Variants in PTPRG observed in about 807,000 individuals in gnomAD.
The protein encoded by PTPRG is protein tyrosine phosphatase receptor type G, also known as receptor-type tyrosine-protein phosphatase gamma.
Under a neutral mutation model 165.3 loss-of-function variants are expected in PTPRG, and 102 were observed. The observed-to-expected ratio is 0.62, with a 90% CI of 0.53 to 0.73. The LOEUF is 0.73. PTPRG is among the 30% of genes least tolerant of loss of function. The pLI is 0.00. For synonymous variants in PTPRG, 675 were observed against 669.5 expected, an observed-to-expected ratio of 1.01 and a Z score of -0.13; for missense variants, 1,866 against 1,861.4, an observed-to-expected ratio of 1.00 and a Z score of -0.05.
At chr3:61,592,649 C>CTTTTTTTTTTTTTTTTTTTTT (rs373986933) in intron 1 of PTPRG, among the ~76,000 whole-genome samples, 1 of 132,874 alleles carries the variant, frequency 7.5e-6, no homozygotes. Context: ...TTCTTTCTTT[C>CTTTTTTTTTTTTTTTTTTTTT]TTTTTTTTTT....
chr3:61,732,912 T>G (rs2032572131), intron 1 of PTPRG, among the ~76,000 whole-genome samples: 1 of 152,200 alleles, frequency 6.6e-6, no homozygotes, highest in Non-Finnish European at 1.5e-5. Flanking sequence ...CAGCAGTTAG[T>G]TGGTGTTAGC....
chr3:61,887,147 TA>T (rs2038066848), intron 2 of PTPRG, among the ~76,000 whole-genome samples: 1 of 57,384 alleles, frequency 1.7e-5, no homozygotes, highest in East Asian at 4.1e-4. Context: ...TATATATATA[TA>T]TATATATATA....
intron 1 of PTPRG, among the ~76,000 whole-genome samples, chr3:61,679,736 A>G (rs1488109844): frequency 6.6e-6 from 1 of 152,122 alleles, no homozygotes; most frequent in Non-Finnish European, 1.5e-5. Flanking sequence ...AGCTGAGATC[A>G]TGCCGTTGCA....
At chr3:61,809,486 C>T (rs982151773) in intron 2 of PTPRG, among the ~76,000 whole-genome samples, 1 of 151,934 alleles carries the variant, frequency 6.6e-6, no homozygotes, top group African/African-American at 2.4e-5. Flanking sequence ...GTGTCTGACA[C>T]ACAGAAGATA....
chr3:61,637,728 T>TTG (rs927237364), intron 1 of PTPRG, among the ~76,000 whole-genome samples: 4 of 152,070 alleles, frequency 2.6e-5, no homozygotes, highest in Admixed American at 2.0e-4. Context: ...AACTGTGGAT[T>TTG]TGTGTGTGTG....
At chr3:62,138,418 A>G (rs1424626208) in intron 6 of PTPRG, among the ~76,000 whole-genome samples, 1 of 152,178 alleles carries the variant, frequency 6.6e-6, no homozygotes, top group African/African-American at 2.4e-5. Context: ...TAACTGGTCC[A>G]TGTTAAGAAA....
intron 4 of PTPRG, among the ~76,000 whole-genome samples, chr3:62,045,093 T>C (rs10490777): frequency 0.08 from 12,233 of 152,222 alleles, 545 homozygotes; most frequent in South Asian, 0.1. Context: ...TCATAGTAGT[T>C]GTCTCAGAAT....
At chr3:61,884,759 G>A (rs758987388) in intron 2 of PTPRG, among the ~76,000 whole-genome samples, 1 of 152,080 alleles carries the variant, frequency 6.6e-6, no homozygotes, top group South Asian at 2.1e-4. Context: ...CCTTTCAAGG[G>A]CCTCGTCTCT....
At chr3:62,277,363 G>T (rs888399457) in intron 25 of PTPRG, among the ~76,000 whole-genome samples, 188 bp from the exon 26 acceptor site, 2 of 152,100 alleles carry the variant, frequency 1.3e-5, no homozygotes, top group African/African-American at 4.8e-5. Context: ...ACTGCACATG[G>T]AGAGAAAATT....
At position 62,255,156 on chromosome 3, in the gene PTPRG, G is replaced by T. The variant is rs1403669311; in HGVS notation, c.2500G>T (p.Val834Phe). 1 of 1,613,154 alleles carries T rather than the reference G, an allele frequency of 6.2e-7. No homozygotes were observed. The highest frequency in any genetic ancestry group is 8.5e-7 in the Non-Finnish European group (1 of 1,179,570). Reference sequence around the variant, plus strand: ...GGAAGCCATTCCTGTCAAACAGTTTGTCAAACACATCGGTGAGCTCTATTC... The same window carrying T: ...GGAAGCCATTCCTGTCAAACAGTTTTTCAAACACATCGGTGAGCTCTATTC... ...DMEAIPVKQF[V>F]KHIGELYSNN... is the part of the protein sequence containing the mutation. The change falls in exon 16 of 30, where the codon GTC (valine) becomes TTC (phenylalanine). Residue 834 changes from valine to phenylalanine, a missense_variant. Physicochemically the swap from Val to Phe is conservative, Grantham distance 50. Around this residue, in one of 3 missense-constraint regions of PTPRG, gnomAD observed 1,452 missense variants for 1,463.0 expected, o/e 0.99. Coordinates refer to ENST00000474889, the MANE Select transcript of PTPRG (RefSeq NM_002841.4). This position sits in a 1 kb window ranked among gnomAD's most constrained non-coding sequence, Gnocchi z 4.0.
At chr3:61,799,675 A>C (rs539687557) in intron 2 of PTPRG, among the ~76,000 whole-genome samples, 1 of 152,322 alleles carries the variant, frequency 6.6e-6, no homozygotes, top group African/African-American at 2.4e-5. Flanking sequence ...ACTTGTTTTC[A>C]ACACAATTTA....
chr3:61,671,165 C>A (rs567801988), intron 1 of PTPRG, among the ~76,000 whole-genome samples: 11 of 127,946 alleles, frequency 8.6e-5, no homozygotes, highest in African/African-American at 2.7e-4. Context: ...TTTAATTGAT[C>A]ATTCTTGGGT....
chr3:61,968,660 A>G (rs1006296037), intron 2 of PTPRG, among the ~76,000 whole-genome samples: 1 of 152,204 alleles, frequency 6.6e-6, no homozygotes, highest in Non-Finnish European at 1.5e-5. Context: ...AATTCCAGGT[A>G]AAATTAAGGT....
intron 1 of PTPRG, among the ~76,000 whole-genome samples, chr3:61,727,807 C>G (rs546717027): frequency 1.3e-5 from 2 of 152,308 alleles, no homozygotes; most frequent in Admixed American, 6.5e-5. Flanking sequence ...TTGTTAAATT[C>G]TTCACCTACC....
intron 5 of PTPRG, among the ~76,000 whole-genome samples, chr3:62,090,758 T>A (rs1445306841): frequency 2.0e-5 from 3 of 152,226 alleles, no homozygotes; most frequent in Non-Finnish European, 1.5e-5. Context: ...TTCATGCTCA[T>A]AACAGCCCTC....
Position 62,083,202 on chromosome 3 carries a change from A to C in PTPRG, c.615+4944A>C, listed in dbSNP as rs1193388392. On this transcript the variant is annotated intron_variant, in intron 5 of 29. Transcript: ENST00000474889. ...TAATTTGAATGCCTGTGAAAATATA[A>C]AATATCAGAAGTTATTATTTGGTTG... Among the ~76,000 whole-genome samples the C allele has an allele frequency of 5.3e-5, 8 of 152,154 alleles. No homozygotes were observed. The East Asian group carries it at 9.6e-4, about 18-fold the overall frequency.
intron 2 of PTPRG, among the ~76,000 whole-genome samples, chr3:61,826,172 T>C (rs1017151546): frequency 1.3e-4 from 20 of 152,214 alleles, no homozygotes; most frequent in African/African-American, 4.8e-4. Context: ...CACGGAATAG[T>C]AGGGAGAAGC....
At position 61,680,883 on chromosome 3, in the gene PTPRG, G is replaced by A. The variant is rs1279779347; in HGVS notation, c.86-67995G>A. The stretch of plus-strand genomic sequence containing the variant: ...GGAACCTGTATATGGCATATGCCAT[G>A]TGCACAGTGGGATGTGTTTAAAATG... On this transcript the variant is annotated intron_variant, in intron 1 of 29. Coordinates refer to ENST00000474889, the MANE Select transcript of PTPRG (RefSeq NM_002841.4). 3.9e-5 allele frequency among the ~76,000 whole-genome samples: 5 copies of A among 127,464 alleles called. 1 individual carries two copies. The highest frequency in any genetic ancestry group is 1.3e-4 in the African/African-American group (5 of 37,194). The allele number at this position is 127,464 out of a possible 152,430, so 83.6% of individuals were successfully genotyped here. A position where few individuals can be genotyped will look rare whatever the true frequency, so the allele number is the denominator to read the frequency against.
chr3:62,065,607 C>T (rs868111652), intron 4 of PTPRG, among the ~76,000 whole-genome samples: 2 of 152,140 alleles, frequency 1.3e-5, no homozygotes, highest in East Asian at 1.9e-4. Context: ...TAAAAAATCC[C>T]GGTGGAGCAA....
Sources: gnomAD v4.1 joint callset for allele counts (sites outside exome capture counted in the v4.1 genomes callset) on GRCh38, gnomAD v4.1.1 for gene constraint, gnomAD v4.1.1 regional missense constraint, Gnocchi (gnomAD v3.1) non-coding constraint, MANE v1.5 for transcripts, NCBI Gene and HGNC (gene_info 2026-07-23, HGNC 2026-07-21) for gene names.